Variants in LRP1B observed in about 807,000 individuals in gnomAD.
The protein encoded by LRP1B is LDL receptor related protein 1B, also known as low-density lipoprotein receptor-related protein 1B.
Under a neutral mutation model 556.6 loss-of-function variants are expected in LRP1B, and 217 were observed. That is an observed-to-expected ratio of 0.39 (90% CI 0.35 to 0.44). LRP1B has a LOEUF of 0.44. LRP1B is among the 20% of genes least tolerant of loss of function. LRP1B has a pLI of 1.00. For missense variants in LRP1B, 5,053 were observed against 5,620.8 expected, an observed-to-expected ratio of 0.90 and a Z score of 3.23; for synonymous variants, 2,047 against 1,865.8, an observed-to-expected ratio of 1.10 and a Z score of -2.50.
intron 2 of LRP1B, among the ~76,000 whole-genome samples, chr2:141,653,891 C>T (rs1689896230): frequency 6.6e-6 from 1 of 152,164 alleles, no homozygotes; most frequent in Non-Finnish European, 1.5e-5. Context: ...CATTCTACAA[C>T]ACTGTCACAC....
intron 32 of LRP1B, among the ~76,000 whole-genome samples, chr2:140,778,559 T>C (rs73961493): frequency 0.014 from 2,200 of 152,062 alleles, 58 homozygotes; most frequent in African/African-American, 0.05. Flanking sequence ...AGAAGCAATG[T>C]TTTTCAAATG....
At chr2:141,715,876 T>C (rs994281017) in intron 2 of LRP1B, among the ~76,000 whole-genome samples, 2 of 151,992 alleles carry the variant, frequency 1.3e-5, no homozygotes, top group Admixed American at 6.6e-5. Context: ...AACAAAAACC[T>C]AGTAATTGTT....
At chr2:140,861,180 G>A (rs1030725425) in intron 27 of LRP1B, among the ~76,000 whole-genome samples, 2 of 152,152 alleles carry the variant, frequency 1.3e-5, no homozygotes, top group Non-Finnish European at 2.9e-5. Context: ...GCCGAGGAGG[G>A]CAGATCACCT....
chr2:142,118,684 C>T (rs1268814281), intron 1 of LRP1B, among the ~76,000 whole-genome samples: 1 of 152,100 alleles, frequency 6.6e-6, no homozygotes, highest in African/African-American at 2.4e-5. Context: ...AATCATACCT[C>T]GTATTCACAT....
At chr2:140,588,080 G>A (rs1047495924) in intron 43 of LRP1B, among the ~76,000 whole-genome samples, 14 of 152,076 alleles carry the variant, frequency 9.2e-5, no homozygotes, top group Non-Finnish European at 1.5e-4. Context: ...ATGGACAAAA[G>A]GAATTTTCGA....
chr2:140,850,511 G>T (rs1047858010), intron 28 of LRP1B, among the ~76,000 whole-genome samples, 182 bp from the exon 29 acceptor site: 1 of 152,090 alleles, frequency 6.6e-6, no homozygotes, highest in African/African-American at 2.4e-5. Context: ...AAACAAATAT[G>T]AAATGAGTTA....
chr2:141,860,930 G>A (rs2105787040), intron 1 of LRP1B, among the ~76,000 whole-genome samples: 1 of 152,136 alleles, frequency 6.6e-6, no homozygotes, highest in East Asian at 1.9e-4. Context: ...TATTTCCTTG[G>A]CAAATTCTTT....
chr2:140,736,787 G>A lies in LRP1B; in HGVS notation c.5759-19971C>T, dbSNP rs184676758. Among the ~76,000 whole-genome samples the A allele has an allele frequency of 6.0e-4, 91 of 152,242 alleles. 1 individual carries two copies. The highest frequency in any genetic ancestry group is 2.1e-3 in the African/African-American group (86 of 41,552). The stretch of plus-strand genomic sequence containing the variant: ...CCTAGACAATACCATTCAGGACATA[G>A]GCATGGGCAAGGACTTCATGTCTAA... On this transcript the variant is annotated intron_variant, in intron 35 of 90. Transcript: ENST00000389484.
intron 1 of LRP1B, among the ~76,000 whole-genome samples, chr2:141,991,576 C>T (rs1053669542): frequency 2.6e-5 from 4 of 152,140 alleles, no homozygotes; most frequent in Admixed American, 2.0e-4. Context: ...TAAAATTGCA[C>T]TCCTTATTTA....
intron 3 of LRP1B, among the ~76,000 whole-genome samples, chr2:141,451,407 A>G (rs150486792): frequency 0.012 from 1,856 of 152,328 alleles, 40 homozygotes; most frequent in African/African-American, 0.042. Context: ...AAAATAATAC[A>G]CTATAATAAT....
intron 5 of LRP1B, among the ~76,000 whole-genome samples, chr2:141,242,715 G>T (rs1043220921): frequency 6.6e-6 from 1 of 152,106 alleles, no homozygotes; most frequent in African/African-American, 2.4e-5. Flanking sequence ...TAAAATTAGT[G>T]TTTTTTATTT....
intron 2 of LRP1B, among the ~76,000 whole-genome samples, chr2:141,586,483 A>G (rs1424568968): frequency 6.6e-6 from 1 of 152,212 alleles, no homozygotes; most frequent in Non-Finnish European, 1.5e-5. Flanking sequence ...AAGGCATTTT[A>G]TGGTTAAAAC....
At position 141,254,537 on chromosome 2, in the gene LRP1B, C is replaced by T. The variant is rs2105340121; in HGVS notation, c.448G>A (p.Gly150Arg). 7 of 1,611,922 alleles carry T rather than the reference C, an allele frequency of 4.3e-6. No individual in the cohort carries two copies. The highest frequency in any genetic ancestry group is 5.9e-6 in the Non-Finnish European group (7 of 1,178,608). ...CEDGFEITED[G>R]RSCKDQDECA... ...TTTTACTTACCTTTACAGCTTCTCC[C>T]ATCTTCTGTTATTTCGAATCCATCC... Residue 150 changes from glycine to arginine, a missense_variant, in exon 4 of 91, where the codon GGG (glycine) becomes AGG (arginine). By Grantham distance (125) the Gly-to-Arg change is moderately radical (BLOSUM62 -2). Coordinates refer to ENST00000389484, the MANE Select transcript of LRP1B (RefSeq NM_018557.3).
At chr2:141,787,728 ACCT>A (rs1439451842) in intron 2 of LRP1B, among the ~76,000 whole-genome samples, 1 of 151,744 alleles carries the variant, frequency 6.6e-6, no homozygotes, top group African/African-American at 2.4e-5. Flanking sequence ...CATAAATTAT[ACCT>A]CAATAAAATT....
intron 1 of LRP1B, among the ~76,000 whole-genome samples, chr2:141,887,920 T>C (rs1027921003): frequency 2.6e-4 from 39 of 152,334 alleles, no homozygotes; most frequent in Admixed American, 1.2e-3. Flanking sequence ...GCTTGATTTA[T>C]AGCAACAGCA....
At chr2:140,518,793 T>C (rs909743436) in intron 49 of LRP1B, among the ~76,000 whole-genome samples, 9 of 152,156 alleles carry the variant, frequency 5.9e-5, no homozygotes, top group Non-Finnish European at 1.0e-4. Flanking sequence ...TCCTGAGACT[T>C]TGCTTGAAGT....
chr2:141,953,028 AT>A (rs1455292889), intron 1 of LRP1B, among the ~76,000 whole-genome samples: 1 of 152,152 alleles, frequency 6.6e-6, no homozygotes, highest in Admixed American at 6.6e-5. Flanking sequence ...AAAGAAATTC[AT>A]TTTTTTAATG....
Position 140,867,726 on chromosome 2 carries a change from T to G in LRP1B, c.4443A>C (p.Glu1481Asp), listed in dbSNP as rs774662713. The change falls in exon 27 of 91, where the codon GAA becomes GAC. Residue 1481 changes from glutamate (E) to aspartate (D), a missense_variant. Physicochemically the swap from Glu to Asp is conservative, Grantham distance 45 (BLOSUM62 2). Transcript: ENST00000389484. ...TGGTCCTCCAGTCTGTCCAGTAGACTTCACTCCCATATAGAGACACAGCAA... is the reference window on the plus strand; with the variant it reads ...TGGTCCTCCAGTCTGTCCAGTAGACGTCACTCCCATATAGAGACACAGCAA... Reference protein sequence around the residue: ...HPFAVSLYGSEVYWTDWRTNT... With the variant: ...HPFAVSLYGSDVYWTDWRTNT... The G allele has an allele frequency of 1.6e-5, 25 of 1,612,700 alleles. No homozygotes were observed. The highest frequency in any genetic ancestry group is 2.1e-5 in the Non-Finnish European group (25 of 1,179,294).
chr2:141,108,673 A>G (rs1274528508), intron 7 of LRP1B, among the ~76,000 whole-genome samples: 1 of 152,054 alleles, frequency 6.6e-6, no homozygotes, highest in Non-Finnish European at 1.5e-5. Context: ...TAATCTAAAC[A>G]TATTTAGACA....
Sources: allele counts gnomAD v4.1 joint callset (sites outside exome capture counted in the v4.1 genomes callset), GRCh38; gene constraint gnomAD v4.1.1; transcripts MANE v1.5; gene names NCBI Gene and HGNC (gene_info 2026-07-23, HGNC 2026-07-21).